The following PTPRM variants were observed in gnomAD, a reference collection of about 807,000 sequenced individuals.
The protein encoded by PTPRM is receptor-type tyrosine-protein phosphatase mu.
PTPRM carries 47 observed loss-of-function variants against 186.7 expected under a neutral mutation model. That is an observed-to-expected ratio of 0.25 (90% confidence interval 0.20 to 0.32). PTPRM has a LOEUF of 0.32. PTPRM is among the 10% of genes least tolerant of loss of function. The pLI is 1.00. For synonymous variants in PTPRM, 668 were observed against 674.9 expected (o/e 0.99, Z 0.16); for missense variants, 1,494 against 1,865.0 (o/e 0.80, Z 3.66).
At chr18:8,075,090 C>T (rs1156323211) in intron 8 of PTPRM, among the ~76,000 whole-genome samples, 3 of 152,036 alleles carry the variant, frequency 2.0e-5, no homozygotes, top group African/African-American at 7.2e-5. Context: ...AGATAGAAAT[C>T]CAACTTCATT....
At chr18:8,352,666 G>GTTTTTTTT (rs2095541867) in intron 23 of PTPRM, among the ~76,000 whole-genome samples, 1 of 104,238 alleles carries the variant, frequency 9.6e-6, no homozygotes, top group African/African-American at 4.0e-5. Flanking sequence ...TTTTTTGTTT[G>GTTTTTTTT]TTTGTTTGTT....
At chr18:8,233,943 G>T (rs2094316030) in intron 14 of PTPRM, among the ~76,000 whole-genome samples, 1 of 152,024 alleles carries the variant, frequency 6.6e-6, no homozygotes, top group African/African-American at 2.4e-5. Context: ...TATTTATGTA[G>T]GTTTCTTTCT....
intron 1 of PTPRM, among the ~76,000 whole-genome samples, chr18:7,613,672 C>CAAA: frequency 7.7e-6 from 1 of 129,514 alleles, no homozygotes. Flanking sequence ...GACTCCGTCT[C>CAAA]AAAAAAAAAA....
At position 7,947,795 on chromosome 18, in the gene PTPRM, A is replaced by G. The variant is rs186438937; in HGVS notation, c.664-1386A>G. Reference sequence around the variant, plus strand: ...CCACTATATCTGCAGTTTGTCTGCAATGGGGTTTCTGCTAGCCAGCTCATC... The same window carrying G: ...CCACTATATCTGCAGTTTGTCTGCAGTGGGGTTTCTGCTAGCCAGCTCATC... On this transcript the variant is annotated intron_variant, in intron 5 of 32. Coordinates refer to ENST00000580170, the MANE Select transcript of PTPRM (RefSeq NM_001105244.2). Among the ~76,000 whole-genome samples, 824 of 152,190 alleles carry G rather than the reference A, an allele frequency of 5.4e-3. 4 individuals carry two copies. Among genetic ancestry groups the G allele is most frequent in the Admixed American group, 7.5e-3 (114 of 15,290 alleles).
intron 19 of PTPRM, among the ~76,000 whole-genome samples, chr18:8,258,844 TA>T (rs1568618064): frequency 6.6e-6 from 1 of 152,004 alleles, no homozygotes; most frequent in African/African-American, 2.4e-5. Flanking sequence ...AAGACTGAAG[TA>T]ACTCTTTGCA....
intron 7 of PTPRM, among the ~76,000 whole-genome samples, chr18:7,961,616 TCCTGAGGAGTCCAA>T (rs2147183340): frequency 6.6e-6 from 1 of 152,346 alleles, no homozygotes; most frequent in African/African-American, 2.4e-5. Context: ...ACTGCTGGGT[TCCTGAGGAGTCCAA>T]GTATGATCAG....
intron 13 of PTPRM, among the ~76,000 whole-genome samples, chr18:8,115,585 T>C (rs2091925545): frequency 6.6e-6 from 1 of 152,156 alleles, no homozygotes; most frequent in Non-Finnish European, 1.5e-5. Flanking sequence ...AAATTAACAC[T>C]CAAAGTCAAA....
intron 2 of PTPRM, among the ~76,000 whole-genome samples, chr18:7,817,488 A>G (rs1292564285): frequency 2.0e-5 from 3 of 152,210 alleles, no homozygotes; most frequent in Non-Finnish European, 4.4e-5. Context: ...GCTCTTTTCT[A>G]GTAATTAACA....
chr18:8,312,987 C>G (rs889451753), intron 20 of PTPRM, among the ~76,000 whole-genome samples: 8 of 152,194 alleles, frequency 5.3e-5, no homozygotes, highest in African/African-American at 1.9e-4. Flanking sequence ...AACATTTACT[C>G]GACAGGAGGT....
chr18:8,115,668 G>C (rs1170659182), intron 13 of PTPRM, among the ~76,000 whole-genome samples: 2 of 152,228 alleles, frequency 1.3e-5, no homozygotes, highest in East Asian at 3.9e-4. Context: ...TAGAGACGAT[G>C]GTAAAAACAC....
At chr18:7,926,910 G>C (rs1451879716) in intron 5 of PTPRM, among the ~76,000 whole-genome samples, 1 of 151,270 alleles carries the variant, frequency 6.6e-6, no homozygotes, top group African/African-American at 2.4e-5. Flanking sequence ...CATCTTGCTT[G>C]GAAGATCTGA....
chr18:7,596,181 C>T (rs958109971), intron 1 of PTPRM, among the ~76,000 whole-genome samples: 3 of 152,138 alleles, frequency 2.0e-5, no homozygotes, highest in African/African-American at 7.2e-5. Context: ...TGAGCACAGG[C>T]ACTGTCATAC....
intron 4 of PTPRM, among the ~76,000 whole-genome samples, chr18:7,920,327 G>A (rs28881194): frequency 0.023 from 3,506 of 151,880 alleles, 126 homozygotes; most frequent in African/African-American, 0.081. Context: ...TTAATTTGTT[G>A]TTTTTCATAT....
intron 1 of PTPRM, among the ~76,000 whole-genome samples, chr18:7,700,009 A>G (rs976944145): frequency 6.6e-6 from 1 of 152,090 alleles, no homozygotes; most frequent in Non-Finnish European, 1.5e-5. Context: ...TCACTCTATT[A>G]TGCTGCCTTT....
At chr18:7,731,690 C>G (rs1290766094) in intron 1 of PTPRM, among the ~76,000 whole-genome samples, 1 of 152,130 alleles carries the variant, frequency 6.6e-6, no homozygotes, top group Non-Finnish European at 1.5e-5. Flanking sequence ...AAACTCATGT[C>G]TTATCAGTAT....
At chr18:7,639,985 T>G (rs1377683769) in intron 1 of PTPRM, among the ~76,000 whole-genome samples, 1 of 152,184 alleles carries the variant, frequency 6.6e-6, no homozygotes, top group Non-Finnish European at 1.5e-5. Context: ...TTTCTAAATA[T>G]TCAAAGGAAG....
At chr18:8,117,115 T>C (rs1346701093) in intron 13 of PTPRM, among the ~76,000 whole-genome samples, 1 of 152,188 alleles carries the variant, frequency 6.6e-6, no homozygotes, top group East Asian at 1.9e-4. Context: ...CACCACCTTT[T>C]AGTCAGAAAA....
At chr18:7,732,731 C>T (rs2040687536) in intron 1 of PTPRM, among the ~76,000 whole-genome samples, 1 of 152,098 alleles carries the variant, frequency 6.6e-6, no homozygotes, top group Non-Finnish European at 1.5e-5. Flanking sequence ...TCTCGAACTC[C>T]TGGTCTCAAG....
chr18:8,203,349 C>A (rs2093884118), intron 14 of PTPRM, among the ~76,000 whole-genome samples: 1 of 150,734 alleles, frequency 6.6e-6, no homozygotes, highest in East Asian at 1.9e-4. Context: ...TAAAAGAAAA[C>A]AACAACACAA....
Sources: allele counts gnomAD v4.1 joint callset (sites outside exome capture counted in the v4.1 genomes callset), GRCh38; gene constraint gnomAD v4.1.1; transcripts MANE v1.5; gene names NCBI Gene and HGNC (gene_info 2026-07-23, HGNC 2026-07-21).